The following CHAF1A variants were observed in gnomAD, a reference collection of about 807,000 sequenced individuals.
CHAF1A encodes the protein CAF-1 subunit A.
In CHAF1A, 5 loss-of-function variants were observed where a neutral mutation model predicts 93.2. That is an observed-to-expected ratio of 0.05 (90% confidence interval 0.03 to 0.11). The LOEUF (loss-of-function observed/expected upper bound fraction) is 0.11. CHAF1A is among the 10% of genes least tolerant of loss of function. The pLI is 1.00. For synonymous variants in CHAF1A, 504 were observed against 510.3 expected (o/e 0.99, Z 0.17); for missense variants, 1,102 against 1,259.9 (o/e 0.87, Z 1.90).
At chr19:4,445,672 C>T (rs369581272), downstream of CHAF1A, 88 of 1,587,374 alleles carry the variant, frequency 5.5e-5, 1 homozygote, top group Non-Finnish European at 6.3e-5. Context: ...CGGCCCTTGC[C>T]GCGGCAGGGA....
At chr19:4,421,280 G>A (rs59312266) in intron 4 of CHAF1A, among the ~76,000 whole-genome samples, 1 of 151,754 alleles carries the variant, frequency 6.6e-6, no homozygotes, top group African/African-American at 2.4e-5. Context: ...CACCTTCTTG[G>A]CCAGGCTGGT....
At chr19:4,432,275 G>C (rs748108744) in intron 12 of CHAF1A, 68 bp downstream of exon 12, 76 of 1,508,062 alleles carry the variant, frequency 5.0e-5, no homozygotes, top group Non-Finnish European at 6.2e-5. Context: ...CTGAGGGCAA[G>C]AGTCACAGGC....
In CHAF1A at chr19:4,433,989, T is replaced by A. The variant is rs919462564; in HGVS notation, c.2673+450T>A. Among the ~76,000 whole-genome samples, 12 of 152,118 alleles carry A rather than the reference T, an allele frequency of 7.9e-5. No homozygotes were observed. The highest frequency in any genetic ancestry group is 7.9e-4 in the Admixed American group (12 of 15,274). Reference sequence around the variant, plus strand: ...AAGGTACAGAAAGTTCCCATACACCTCCTTCCCCAAAGCCAAGCCAAGCCA... The same window carrying A: ...AAGGTACAGAAAGTTCCCATACACCACCTTCCCCAAAGCCAAGCCAAGCCA... On this transcript the variant is annotated intron_variant, in intron 13 of 14. Coordinates refer to ENST00000301280, the MANE Select transcript of CHAF1A (RefSeq NM_005483.3). This position sits in a 1 kb window ranked among gnomAD's most constrained non-coding sequence, Gnocchi z 5.6.
At chr19:4,446,389 G>A (rs771703000), downstream of CHAF1A, 11 of 1,577,310 alleles carry the variant, frequency 7.0e-6, no homozygotes, top group Admixed American at 1.1e-4. Context: ...TCCGCAGCAC[G>A]CTCAGCCGCT....
chr19:4,408,276 T>A (rs1973719043), intron 2 of CHAF1A, among the ~76,000 whole-genome samples: 1 of 148,608 alleles, frequency 6.7e-6, no homozygotes, highest in Non-Finnish European at 1.5e-5. Context: ...CACTGCAGGC[T>A]CCGCCCCCCG....
intron 13 of CHAF1A, among the ~76,000 whole-genome samples, chr19:4,441,255 T>TG (rs1974383180): frequency 6.6e-6 from 1 of 151,814 alleles, no homozygotes; most frequent in African/African-American, 2.4e-5. Flanking sequence ...AGTCAGAAGT[T>TG]GCAGTGAGCC....
intron 12 of CHAF1A, among the ~76,000 whole-genome samples, chr19:4,432,773 ACT>A (rs972632133): frequency 6.7e-6 from 1 of 149,562 alleles, no homozygotes; most frequent in Non-Finnish European, 1.5e-5. Flanking sequence ...AAAAAAAAAA[ACT>A]CAAAAAACTG....
chr19:4,427,075 A>C (rs1453329919), intron 7 of CHAF1A, among the ~76,000 whole-genome samples: 1 of 143,674 alleles, frequency 7.0e-6, no homozygotes, highest in Admixed American at 7.0e-5. Flanking sequence ...TGCGCAATGA[A>C]GCGAGACTCC....
intron 1 of CHAF1A, among the ~76,000 whole-genome samples, chr19:4,405,402 G>A (rs955905000): frequency 1.3e-5 from 2 of 152,184 alleles, no homozygotes; most frequent in African/African-American, 4.8e-5. Context: ...GAGGTCAGGA[G>A]TTCGAGACCA....
downstream of CHAF1A, chr19:4,446,191 A>G: frequency 1.2e-6 from 2 of 1,604,070 alleles, no homozygotes; most frequent in Non-Finnish European, 1.7e-6. Flanking sequence ...CCGAGCGTAG[A>G]AAGTGCCTGG....
intron 4 of CHAF1A, among the ~76,000 whole-genome samples, chr19:4,419,709 G>A (rs1357797228): frequency 1.3e-5 from 2 of 152,186 alleles, no homozygotes; most frequent in Admixed American, 6.5e-5. Context: ...GGGACTACAG[G>A]TGTGAGCCAC....
At position 4,433,556 on chromosome 19, in the gene CHAF1A, A is replaced by C; in HGVS notation, c.2673+17A>C. 6.5e-7 allele frequency: 1 copy of C among 1,541,986 alleles called. No homozygotes were observed. The highest frequency in any genetic ancestry group is 2.3e-5 in the East Asian group (1 of 43,744). The stretch of plus-strand genomic sequence containing the variant: ...GACGGCCAGGTGAGGTGGGGTGGGC[A>C]GGTGGGGGCCTCTGCAGGGCTTTTC... On this transcript the variant is annotated intron_variant, in intron 13 of 14. Coordinates refer to ENST00000301280, the MANE Select transcript of CHAF1A (RefSeq NM_005483.3). This position sits in a 1 kb window ranked among gnomAD's most constrained non-coding sequence, Gnocchi z 5.6.
At position 4,442,313 on chromosome 19, in the gene CHAF1A, T is replaced by C. The variant is rs1474771232; in HGVS notation, c.2742T>C (p.Cys914=). 1.2e-6 allele frequency: 2 copies of C among 1,608,744 alleles called. No homozygotes were observed. Among genetic ancestry groups the C allele is most frequent in the Non-Finnish European group, 1.7e-6 (2 of 1,177,206 alleles). ...TEEEEEEEGD[C]MIVDVPDAAE... is the part of the protein sequence containing the mutation. ...AGGAGGAAGAGGAGGAGGGCGACTG[T>C]ATGATCGTGGATGTCCCGGATGCTG... The change falls in exon 14 of 15, where the codon TGT becomes TGC. Residue 914 remains cysteine, a synonymous_variant. Coordinates refer to ENST00000301280, the MANE Select transcript of CHAF1A (RefSeq NM_005483.3).
chr19:4,419,384 A>T (rs1973951488), intron 4 of CHAF1A, among the ~76,000 whole-genome samples: 2 of 151,500 alleles, frequency 1.3e-5, no homozygotes, highest in Non-Finnish European at 2.9e-5. Flanking sequence ...GAGCTTCCTG[A>T]TGGCCACACT....
At chr19:4,425,871 T>G (rs917885688) in intron 7 of CHAF1A, among the ~76,000 whole-genome samples, 1 of 152,216 alleles carries the variant, frequency 6.6e-6, no homozygotes, top group Non-Finnish European at 1.5e-5. Context: ...TTCTCTGCTA[T>G]CACTGCAATT....
rs796443461 is a variant in CHAF1A, at chr19:4,443,099, T to G, written c.*74T>G. The G allele has an allele frequency of 8.2e-6, 8 of 973,196 alleles. No individual in the cohort carries two copies. The African/African-American group carries it at 1.3e-4, about 16-fold the overall frequency. The allele number at this position is 973,196 out of a possible 1,614,324, so 60.3% of individuals were successfully genotyped here. On this transcript the variant is annotated 3_prime_UTR_variant, in exon 15 of 15. Transcript: ENST00000301280. Reference sequence around the variant, plus strand: ...CAGATACTTGAACCGACTCAATTCCTGTGTAAAGAGCACTTTGTCCTGCTT... The same window carrying G: ...CAGATACTTGAACCGACTCAATTCCGGTGTAAAGAGCACTTTGTCCTGCTT...
At chr19:4,445,290 G>A (rs1974481734), downstream of CHAF1A, 2 of 772,006 alleles carry the variant, frequency 2.6e-6, no homozygotes, top group Admixed American at 5.3e-5. Context: ...CTCTCCCTCG[G>A]GGGCTTGGGC....
chr19:4,419,770 A>G (rs1475254027), intron 4 of CHAF1A, among the ~76,000 whole-genome samples: 4 of 152,148 alleles, frequency 2.6e-5, no homozygotes, highest in African/African-American at 2.4e-5. Context: ...CTTTGGAACA[A>G]GAGCACTTTT....
At position 4,440,999 on chromosome 19, in the gene CHAF1A, T is replaced by TA. The variant is rs71166997; in HGVS notation, c.2674-1231dup. Among the ~76,000 whole-genome samples, 318 of 132,716 alleles carry TA rather than the reference T, an allele frequency of 2.4e-3. 3 individuals carry two copies. The highest frequency in any genetic ancestry group is 6.3e-3 in the African/African-American group (224 of 35,528). 87.1% of individuals were successfully genotyped at this position (132,716 alleles called of 152,430 possible). A position where few individuals can be genotyped will look rare whatever the true frequency, so the allele number is the denominator to read the frequency against. On this transcript the variant is annotated intron_variant, in intron 13 of 14. Coordinates refer to ENST00000301280, the MANE Select transcript of CHAF1A (RefSeq NM_005483.3). ...GCTGGGCGTAGTGGCGGGCACCTGTTAAAAAAAAAAAAAAAGGCACAGCAA... is the reference window on the plus strand; with the variant it reads ...GCTGGGCGTAGTGGCGGGCACCTGTTAAAAAAAAAAAAAAAAGGCACAGCAA...
Sources: gnomAD v4.1 joint callset for allele counts (sites outside exome capture counted in the v4.1 genomes callset) on GRCh38, gnomAD v4.1.1 for gene constraint, Gnocchi (gnomAD v3.1) non-coding constraint, MANE v1.5 for transcripts, NCBI Gene and HGNC (gene_info 2026-07-23, HGNC 2026-07-21) for gene names.